Variants in OTUD7A observed in about 807,000 individuals in gnomAD.
OTUD7A encodes OTU domain-containing protein 7A.
In OTUD7A, 12 loss-of-function variants were observed where a neutral mutation model predicts 65.7. That is an observed-to-expected ratio of 0.18 (90% CI 0.12 to 0.30). The LOEUF (loss-of-function observed/expected upper bound fraction) is 0.30, where lower values mean the gene tolerates loss of function less well. Ranked by LOEUF, OTUD7A falls within the 10% of genes least tolerant of loss-of-function variation. The pLI, the probability that OTUD7A is intolerant of heterozygous loss-of-function variation, is 1.00. For synonymous variants in OTUD7A, 641 were observed against 586.3 expected (o/e 1.09, Z -1.35); for missense variants, 1,148 against 1,304.8 (o/e 0.88, Z 1.85).
chr15:31,538,174 C>CTGAA (rs1251441807), intron 5 of OTUD7A, among the ~76,000 whole-genome samples: 1 of 152,202 alleles, frequency 6.6e-6, no homozygotes, highest in Non-Finnish European at 1.5e-5. Context: ...TCTTGCTGCC[C>CTGAA]TGAATGATGC....
chr15:31,663,880 G>A (rs1346600137), intron 1 of OTUD7A, among the ~76,000 whole-genome samples: 8 of 151,842 alleles, frequency 5.3e-5, no homozygotes, highest in East Asian at 1.9e-4. Context: ...ATGCCTTTGC[G>A]TCCTCATAGC....
intron 1 of OTUD7A, among the ~76,000 whole-genome samples, chr15:31,665,563 G>A (rs1442813268): frequency 6.6e-6 from 1 of 152,130 alleles, no homozygotes; most frequent in African/African-American, 2.4e-5. Context: ...GCTTTCTGGA[G>A]GAGTCTTTAG....
At chr15:31,836,602 T>C (rs1301726012) in intron 1 of OTUD7A, among the ~76,000 whole-genome samples, 3 of 152,152 alleles carry the variant, frequency 2.0e-5, no homozygotes, top group South Asian at 2.1e-4. Context: ...CCACAAAATA[T>C]TAGCCACTAG....
chr15:31,664,970 G>A (rs1304881802), intron 1 of OTUD7A, among the ~76,000 whole-genome samples: 1 of 152,136 alleles, frequency 6.6e-6, no homozygotes, highest in African/African-American at 2.4e-5. Flanking sequence ...TTGGCTGTAA[G>A]TATTTGGGTG....
chr15:31,519,986 T>A (rs1025626710), intron 8 of OTUD7A, among the ~76,000 whole-genome samples: 1 of 151,060 alleles, frequency 6.6e-6, no homozygotes, highest in Non-Finnish European at 1.5e-5. Flanking sequence ...AAGAAAAAAA[T>A]TGTCAATGAC....
intron 1 of OTUD7A, among the ~76,000 whole-genome samples, chr15:31,799,388 G>C (rs1896059524): frequency 6.6e-6 from 1 of 152,188 alleles, no homozygotes; most frequent in African/African-American, 2.4e-5. Context: ...GAATGTTTCT[G>C]TCCACCCCAT....
intron 1 of OTUD7A, among the ~76,000 whole-genome samples, chr15:31,813,402 G>T (rs567171901): frequency 6.6e-6 from 1 of 152,174 alleles, no homozygotes; most frequent in African/African-American, 2.4e-5. Context: ...TTTACTGCAT[G>T]ACACACCATA....
At chr15:31,584,922 T>C (rs1889484567) in intron 3 of OTUD7A, among the ~76,000 whole-genome samples, 1 of 152,164 alleles carries the variant, frequency 6.6e-6, no homozygotes, top group South Asian at 2.1e-4. Flanking sequence ...TAAGACCTAT[T>C]GATGAGGAGA....
intron 5 of OTUD7A, among the ~76,000 whole-genome samples, chr15:31,543,316 A>G (rs1163755129): frequency 2.0e-5 from 3 of 151,932 alleles, no homozygotes; most frequent in Non-Finnish European, 3.0e-5. Context: ...AAACTTGTAG[A>G]ATTTTTAAAA....
At chr15:31,792,095 A>G (rs1895832423) in intron 1 of OTUD7A, among the ~76,000 whole-genome samples, 1 of 152,106 alleles carries the variant, frequency 6.6e-6, no homozygotes, top group East Asian at 1.9e-4. Context: ...GCCAAAAATC[A>G]AAGCCCTCCG....
intron 1 of OTUD7A, among the ~76,000 whole-genome samples, chr15:31,700,184 C>T (rs547034724): frequency 1.3e-5 from 2 of 151,512 alleles, no homozygotes. Flanking sequence ...TTCAGTTTGT[C>T]TCACTGATTC....
chr15:31,694,462 C>T (rs1416528932), intron 1 of OTUD7A, among the ~76,000 whole-genome samples: 1 of 151,988 alleles, frequency 6.6e-6, no homozygotes, highest in African/African-American at 2.4e-5. Flanking sequence ...TTTTGTAACA[C>T]CAGTTTACTT....
chr15:31,590,677 T>G (rs1889696794), intron 3 of OTUD7A, among the ~76,000 whole-genome samples: 1 of 152,238 alleles, frequency 6.6e-6, no homozygotes, highest in South Asian at 2.1e-4. Context: ...ATAAACAAAG[T>G]GAATTCTTAA....
intron 1 of OTUD7A, among the ~76,000 whole-genome samples, chr15:31,758,352 C>A (rs1469318775): frequency 6.6e-6 from 1 of 152,188 alleles, no homozygotes; most frequent in Non-Finnish European, 1.5e-5. Flanking sequence ...CCAAGAACGG[C>A]CCTGCTGTGT....
intron 1 of OTUD7A, among the ~76,000 whole-genome samples, chr15:31,801,072 A>C (rs1896111407): frequency 6.6e-6 from 1 of 152,032 alleles, no homozygotes; most frequent in African/African-American, 2.4e-5. Context: ...AAAAAAAAAA[A>C]AGCAGAATCA....
chr15:31,515,775 ACCCAACCACCCATCCACCTGTCCAT>A (rs2041841589), intron 8 of OTUD7A, among the ~76,000 whole-genome samples: 1 of 145,984 alleles, frequency 6.9e-6, no homozygotes, highest in African/African-American at 2.6e-5. Flanking sequence ...ACAACTGTCC[ACCCAACCACCCATCCACCTGTCCAT>A]CCACCCACAT....
intron 1 of OTUD7A, among the ~76,000 whole-genome samples, chr15:31,843,936 C>G (rs762731347): frequency 6.6e-6 from 1 of 152,172 alleles, no homozygotes; most frequent in Non-Finnish European, 1.5e-5. Context: ...GTGAGGACCA[C>G]CCAGCCAGGC....
chr15:31,503,539 GGGA>G, intron 9 of OTUD7A, 149 bp downstream of exon 9: 1 of 1,080,786 alleles, frequency 9.3e-7, no homozygotes, highest in East Asian at 2.4e-5. Flanking sequence ...GCTGCCATCA[GGGA>G]GGAGAAAGAA....
intron 1 of OTUD7A, among the ~76,000 whole-genome samples, chr15:31,850,141 C>T (rs568409199): frequency 7.9e-5 from 12 of 152,182 alleles, no homozygotes; most frequent in South Asian, 4.2e-4. Flanking sequence ...ATCACAATAG[C>T]GAAGACTTGG....
Sources: allele counts gnomAD v4.1 joint callset (sites outside exome capture counted in the v4.1 genomes callset), GRCh38; gene constraint gnomAD v4.1.1; transcripts MANE v1.5; gene names NCBI Gene and HGNC (gene_info 2026-07-23, HGNC 2026-07-21).